The following PAPPA2 variants were observed in gnomAD, a reference collection of about 807,000 sequenced individuals.
PAPPA2 encodes pappalysin 2, also known as pappalysin-2.
In PAPPA2, 86 loss-of-function variants were observed where a neutral mutation model predicts 176.4. The observed-to-expected ratio is 0.49, with a 90% confidence interval of 0.41 to 0.58. The LOEUF is 0.58. Among genes scored for constraint, PAPPA2 ranks in the 20% least tolerant of loss-of-function variants. The probability of loss-of-function intolerance (pLI) is 0.00; values close to 1 mark genes in which losing one functional copy is unlikely to be tolerated. For missense variants in PAPPA2, 2,073 were observed against 2,256.9 expected (o/e 0.92, Z 1.65); for synonymous variants, 809 against 852.2 (o/e 0.95, Z 0.88).
chr1:176,497,354 A>T (rs184132468), intron 1 of PAPPA2, among the ~76,000 whole-genome samples: 67 of 152,320 alleles, frequency 4.4e-4, no homozygotes, highest in Admixed American at 3.8e-3. Context: ...TTCTGGGGAC[A>T]GCATATTTAC....
At chr1:176,691,679 C>T (rs779183983) in intron 5 of PAPPA2, among the ~76,000 whole-genome samples, 2 of 152,240 alleles carry the variant, frequency 1.3e-5, no homozygotes, top group African/African-American at 2.4e-5. Flanking sequence ...CCCAGCCCTG[C>T]TGTCTCATTG....
In PAPPA2 at chr1:176,612,393, C is replaced by CA. The variant is rs367853930; in HGVS notation, c.1991+16807dup. Among the ~76,000 whole-genome samples the CA allele has an allele frequency of 6.6e-3, 949 of 144,516 alleles. 17 individuals are homozygous for CA. The highest frequency in any genetic ancestry group is 0.022 in the African/African-American group (856 of 39,428). The allele number at this position is 144,516 out of a possible 152,430, so 94.8% of individuals were successfully genotyped here. A position where few individuals can be genotyped will look rare whatever the true frequency, so the allele number is the denominator to read the frequency against. Reference sequence around the variant, plus strand: ...TGGGTGACGGAGCGAGACCCTGTCTCAAAAAAAAACCAAAAACCAAAAAAC... The same window carrying CA: ...TGGGTGACGGAGCGAGACCCTGTCTCAAAAAAAAAACCAAAAACCAAAAAAC... On this transcript the variant is annotated intron_variant, in intron 3 of 22. Coordinates refer to ENST00000367662, the MANE Select transcript of PAPPA2 (RefSeq NM_020318.3).
intron 2 of PAPPA2, among the ~76,000 whole-genome samples, chr1:176,589,984 G>A (rs1271130705): frequency 6.6e-6 from 1 of 152,158 alleles, no homozygotes; most frequent in African/African-American, 2.4e-5. Flanking sequence ...GAGCATGTGG[G>A]GACCTGTGCA....
chr1:176,840,119 C>A, intron 21 of PAPPA2, 54 bp from the exon 22 acceptor site: 1 of 1,426,818 alleles, frequency 7.0e-7, no homozygotes, highest in Non-Finnish European at 9.9e-7. Flanking sequence ...GTGGCAGAGT[C>A]AAACAAGACA....
intron 2 of PAPPA2, among the ~76,000 whole-genome samples, chr1:176,589,805 A>G (rs998674870): frequency 6.6e-6 from 1 of 152,214 alleles, no homozygotes; most frequent in African/African-American, 2.4e-5. Flanking sequence ...GAGTTTCACC[A>G]AGTATATTGT....
chr1:176,554,928 G>T (rs1268977755), intron 1 of PAPPA2, among the ~76,000 whole-genome samples: 6 of 151,790 alleles, frequency 4.0e-5, no homozygotes, highest in African/African-American at 1.5e-4. Flanking sequence ...TCCCTAAAAG[G>T]TTAGTGTGGG....
At chr1:176,629,200 A>G (rs1656202903) in intron 3 of PAPPA2, among the ~76,000 whole-genome samples, 1 of 152,214 alleles carries the variant, frequency 6.6e-6, no homozygotes, top group African/African-American at 2.4e-5. Context: ...AGTCCATCAG[A>G]AGGTGTTTCC....
At chr1:176,576,635 G>A (rs1038985704) in intron 2 of PAPPA2, among the ~76,000 whole-genome samples, 2 of 152,104 alleles carry the variant, frequency 1.3e-5, no homozygotes, top group African/African-American at 4.8e-5. Context: ...AACAGATTGT[G>A]GTCTGCCCTG....
intron 18 of PAPPA2, 28 bp downstream of exon 18, chr1:176,790,005 C>T (rs1665107045): frequency 6.2e-7 from 1 of 1,609,932 alleles, no homozygotes; most frequent in Non-Finnish European, 8.5e-7. Context: ...AACTTATTTT[C>T]ATCAGGCTGT....
chr1:176,485,294 G>T (rs1652596513), intron 1 of PAPPA2, among the ~76,000 whole-genome samples: 1 of 152,132 alleles, frequency 6.6e-6, no homozygotes, highest in African/African-American at 2.4e-5. Context: ...AGTCCCTAAT[G>T]ATGTGTCTCC....
intron 5 of PAPPA2, 74 bp downstream of exon 5, chr1:176,690,504 T>C: frequency 6.4e-7 from 1 of 1,560,644 alleles, no homozygotes; most frequent in South Asian, 1.2e-5. Flanking sequence ...GGTGGAGGTG[T>C]GGGAGCTGAT....
chr1:176,705,121 A>T (rs544031559), intron 9 of PAPPA2, among the ~76,000 whole-genome samples: 1 of 152,304 alleles, frequency 6.6e-6, no homozygotes, highest in South Asian at 2.1e-4. Context: ...AAATAAGCAC[A>T]TTAAGGCATA....
At chr1:176,807,098 A>C (rs1193647769) in intron 21 of PAPPA2, among the ~76,000 whole-genome samples, 1 of 152,222 alleles carries the variant, frequency 6.6e-6, no homozygotes, top group Non-Finnish European at 1.5e-5. Context: ...ATGATAAAGG[A>C]TGCACAAGTA....
intron 12 of PAPPA2, among the ~76,000 whole-genome samples, chr1:176,737,255 C>T (rs1249590347): frequency 6.6e-6 from 1 of 151,944 alleles, no homozygotes; most frequent in African/African-American, 2.4e-5. Flanking sequence ...TCAGATTTAC[C>T]AGCAAATAAA....
intron 12 of PAPPA2, among the ~76,000 whole-genome samples, chr1:176,733,247 T>C (rs1286569859): frequency 6.6e-6 from 1 of 152,184 alleles, no homozygotes; most frequent in Non-Finnish European, 1.5e-5. Context: ...GCATTTAAGT[T>C]ATTTCTATAT....
chr1:176,562,400 T>C (rs1035838166), intron 2 of PAPPA2, among the ~76,000 whole-genome samples: 2 of 152,156 alleles, frequency 1.3e-5, no homozygotes, highest in South Asian at 2.1e-4. Flanking sequence ...ACGTGTGGGA[T>C]CTCTCCCTTT....
intron 2 of PAPPA2, among the ~76,000 whole-genome samples, chr1:176,587,801 T>G (rs1259095103): frequency 6.6e-6 from 1 of 152,194 alleles, no homozygotes; most frequent in African/African-American, 2.4e-5. Context: ...AAATTTAAAA[T>G]AGTTGATGAG....
chr1:176,843,410 C>T lies in PAPPA2; in HGVS notation c.*956C>T, dbSNP rs1667553448. On this transcript the variant is annotated 3_prime_UTR_variant, in exon 23 of 23. Transcript: ENST00000367662. ...CCACAAAGAATATACTAACTTTTGTCAACTTCTCAGAACTCCCAACTGGAG... is the reference window on the plus strand; with the variant it reads ...CCACAAAGAATATACTAACTTTTGTTAACTTCTCAGAACTCCCAACTGGAG... 1 of 152,116 alleles carries T rather than the reference C, an allele frequency of 6.6e-6. No individual in the cohort carries two copies. The highest frequency in any genetic ancestry group is 1.5e-5 in the Non-Finnish European group (1 of 68,040). 9.4% of individuals were successfully genotyped at this position (152,116 alleles called of 1,614,324 possible). A position where few individuals can be genotyped will look rare whatever the true frequency, so the allele number is the denominator to read the frequency against.
At chr1:176,595,896 G>C (rs569394744) in intron 3 of PAPPA2, among the ~76,000 whole-genome samples, 1 of 152,264 alleles carries the variant, frequency 6.6e-6, no homozygotes, top group African/African-American at 2.4e-5. Flanking sequence ...CAGGAAAGCT[G>C]AACAACTTAC....
Sources: allele counts gnomAD v4.1 joint callset (sites outside exome capture counted in the v4.1 genomes callset), GRCh38; gene constraint gnomAD v4.1.1; transcripts MANE v1.5; gene names NCBI Gene and HGNC (gene_info 2026-07-23, HGNC 2026-07-21).